Variants in GINS1 observed in about 807,000 individuals in gnomAD.
GINS1 encodes DNA replication complex GINS protein PSF1.
A neutral mutation model predicts 34.9 loss-of-function variants in GINS1; 26 were observed. That is an observed-to-expected ratio of 0.74 (90% CI 0.55 to 1.03). The LOEUF (loss-of-function observed/expected upper bound fraction) is 1.03, where lower values mean the gene tolerates loss of function less well. Ranked by LOEUF, GINS1 falls within the 50% of genes least tolerant of loss-of-function variation. The pLI is 0.00. For missense variants in GINS1, 235 were observed against 237.9 expected (o/e 0.99, Z 0.08); for synonymous variants, 97 against 84.4 (o/e 1.15, Z -0.82).
intron 5 of GINS1, among the ~76,000 whole-genome samples, chr20:25,440,487 T>C (rs2090476104): frequency 6.6e-6 from 1 of 152,038 alleles, no homozygotes; most frequent in African/African-American, 2.4e-5. Flanking sequence ...TGAATGTGTT[T>C]GAGATTTCCC....
At chr20:25,420,365 CTGA>C (rs538396324) in intron 4 of GINS1, among the ~76,000 whole-genome samples, 16 of 151,976 alleles carry the variant, frequency 1.1e-4, no homozygotes, top group African/African-American at 3.4e-4. Flanking sequence ...AGCTCCTGAC[CTGA>C]TGATCTGCCC....
At chr20:25,422,828 G>A (rs1255669119) in intron 4 of GINS1, among the ~76,000 whole-genome samples, 1 of 152,206 alleles carries the variant, frequency 6.6e-6, no homozygotes, top group Non-Finnish European at 1.5e-5. Flanking sequence ...CCAGGCTGGA[G>A]TGCTGTGGCG....
chr20:25,440,146 A>C (rs2090474724), intron 5 of GINS1, among the ~76,000 whole-genome samples: 1 of 151,964 alleles, frequency 6.6e-6, no homozygotes, highest in Admixed American at 6.6e-5. Flanking sequence ...GATTACAGGC[A>C]CGCACCACCA....
At chr20:25,435,843 C>T (rs1485187301) in intron 5 of GINS1, among the ~76,000 whole-genome samples, 5 of 132,546 alleles carry the variant, frequency 3.8e-5, no homozygotes, top group Middle Eastern at 4.8e-3. Flanking sequence ...GACGGAGTCT[C>T]ACACTGTCAC....
chr20:25,444,942 A>G (rs757970127), intron 6 of GINS1, among the ~76,000 whole-genome samples: 55 of 152,344 alleles, frequency 3.6e-4, no homozygotes, highest in Middle Eastern at 3.4e-3. Flanking sequence ...AAATCCAAGA[A>G]CAGGTTTTAT....
At chr20:25,420,125 G>A (rs879385771) in intron 4 of GINS1, among the ~76,000 whole-genome samples, 4 of 151,588 alleles carry the variant, frequency 2.6e-5, no homozygotes, top group Non-Finnish European at 5.9e-5. Flanking sequence ...AATGTTAACA[G>A]CAAATAAAAT....
At chr20:25,408,204 C>T (rs2146179583) in intron 1 of GINS1, among the ~76,000 whole-genome samples, 1 of 152,342 alleles carries the variant, frequency 6.6e-6, no homozygotes, top group East Asian at 1.9e-4. Context: ...ACTCAGGCAT[C>T]TAATCGTGGT....
At chr20:25,428,998 T>A (rs2090411249) in intron 5 of GINS1, among the ~76,000 whole-genome samples, 1 of 43,256 alleles carries the variant, frequency 2.3e-5, no homozygotes, top group Non-Finnish European at 5.0e-5. Context: ...TTTTTTTTTT[T>A]TTTTTTTTGA....
intron 2 of GINS1, among the ~76,000 whole-genome samples, chr20:25,416,110 T>C (rs184051974): frequency 6.6e-6 from 1 of 152,196 alleles, no homozygotes; most frequent in East Asian, 1.9e-4. Flanking sequence ...TGTTTGTGTC[T>C]TAAAAGATAA....
At chr20:25,423,401 C>T (rs551781399) in intron 4 of GINS1, among the ~76,000 whole-genome samples, 46 of 148,200 alleles carry the variant, frequency 3.1e-4, no homozygotes, top group Admixed American at 2.2e-3. Flanking sequence ...AGTGAGCCAC[C>T]GTGCCTGGCC....
At chr20:25,442,859 G>C (rs2090490414) in intron 6 of GINS1, among the ~76,000 whole-genome samples, 1 of 152,136 alleles carries the variant, frequency 6.6e-6, no homozygotes, top group Non-Finnish European at 1.5e-5. Flanking sequence ...ACCCACCTCA[G>C]CCTCCCAAAG....
intron 5 of GINS1, among the ~76,000 whole-genome samples, chr20:25,426,891 C>T (rs2090394280): frequency 6.6e-6 from 1 of 152,092 alleles, no homozygotes; most frequent in African/African-American, 2.4e-5. Context: ...TTTTGCTTAT[C>T]CATTTATCCA....
intron 5 of GINS1, among the ~76,000 whole-genome samples, chr20:25,435,329 C>T (rs189553485): frequency 1.3e-5 from 2 of 152,222 alleles, no homozygotes; most frequent in Non-Finnish European, 2.9e-5. Context: ...GACAGGGTCT[C>T]ACTGTGTCAA....
chr20:25,437,159 A>G (rs1832393450), intron 5 of GINS1, among the ~76,000 whole-genome samples: 1 of 152,214 alleles, frequency 6.6e-6, no homozygotes, highest in Non-Finnish European at 1.5e-5. Flanking sequence ...AGGGGGAAAA[A>G]AGAAAAATGA....
At chr20:25,442,066 A>T (rs2090484938) in intron 6 of GINS1, among the ~76,000 whole-genome samples, 1 of 152,190 alleles carries the variant, frequency 6.6e-6, no homozygotes, top group African/African-American at 2.4e-5. Flanking sequence ...ATAGATTATT[A>T]TCTGGAGGCT....
In GINS1 at chr20:25,446,067, A is replaced by T; in HGVS notation, c.*76A>T. 1 of 704,900 alleles carries T rather than the reference A, an allele frequency of 1.4e-6. No individual in the cohort carries two copies. Among genetic ancestry groups the T allele is most frequent in the Non-Finnish European group, 2.5e-6 (1 of 408,092 alleles). The allele number at this position is 704,900 out of a possible 1,614,324, so 43.7% of individuals were successfully genotyped here. A position where few individuals can be genotyped will look rare whatever the true frequency, so the allele number is the denominator to read the frequency against. ...ACTCACTCTCTCCACCACTCCCTTC[A>T]CCTCCCTCTTTGATTTTAGAAGCTA... On this transcript the variant is annotated 3_prime_UTR_variant, in exon 7 of 7. Transcript: ENST00000262460.
chr20:25,434,492 G>T (rs1346458595), intron 5 of GINS1, among the ~76,000 whole-genome samples: 2 of 151,392 alleles, frequency 1.3e-5, no homozygotes, highest in Non-Finnish European at 2.9e-5. Context: ...TTGTCATCCA[G>T]GCTGGGGTGT....
At chr20:25,408,710 T>C (rs1239594501) in intron 1 of GINS1, among the ~76,000 whole-genome samples, 1 of 152,112 alleles carries the variant, frequency 6.6e-6, no homozygotes, top group African/African-American at 2.4e-5. Flanking sequence ...AAATAACTTT[T>C]TGATGTTTAA....
intron 5 of GINS1, among the ~76,000 whole-genome samples, chr20:25,440,810 CAAA>C (rs60014594): frequency 4.3e-5 from 3 of 69,100 alleles, no homozygotes; most frequent in Admixed American, 1.8e-4. Flanking sequence ...GACTCTGTCT[CAAA>C]AAAAAAAAAA....
Sources: allele counts gnomAD v4.1 joint callset (sites outside exome capture counted in the v4.1 genomes callset), GRCh38; gene constraint gnomAD v4.1.1; transcripts MANE v1.5; gene names NCBI Gene and HGNC (gene_info 2026-07-23, HGNC 2026-07-21).